TACC2: variants seen among roughly 807,000 people sequenced by gnomAD.
The protein encoded by TACC2 is transforming acidic coiled-coil-containing protein 2.
Under a neutral mutation model 227.3 loss-of-function variants are expected in TACC2, and 137 were observed. That is an observed-to-expected ratio of 0.60 (90% CI 0.52 to 0.69). The LOEUF (loss-of-function observed/expected upper bound fraction) is 0.69, where lower values mean the gene tolerates loss of function less well. TACC2 is among the 30% of genes least tolerant of loss of function. The pLI is 0.00. For missense variants in TACC2, 3,470 were observed against 3,694.4 expected (o/e 0.94, Z 1.57); for synonymous variants, 1,523 against 1,487.5 (o/e 1.02, Z -0.55).
chr10:122,025,151 A>G (rs148218017), intron 2 of TACC2, among the ~76,000 whole-genome samples: 46 of 152,330 alleles, frequency 3.0e-4, no homozygotes, highest in African/African-American at 8.9e-4. Flanking sequence ...CATTTTGATG[A>G]TGGATAAAGA....
chr10:122,155,836 T>A (rs1296408347), intron 7 of TACC2, among the ~76,000 whole-genome samples: 1 of 117,064 alleles, frequency 8.5e-6, no homozygotes, highest in East Asian at 3.5e-4. Flanking sequence ...TGGGAAAATT[T>A]TTTTTTTTTT....
intron 5 of TACC2, among the ~76,000 whole-genome samples, chr10:122,119,978 G>A (rs1565354225): frequency 6.6e-6 from 1 of 151,910 alleles, no homozygotes; most frequent in Non-Finnish European, 1.5e-5. Context: ...CCGGCTCCCT[G>A]CCTTGTCCTC....
intron 10 of TACC2, among the ~76,000 whole-genome samples, chr10:122,216,130 G>A (rs1362971045): frequency 6.6e-6 from 1 of 152,142 alleles, no homozygotes; most frequent in African/African-American, 2.4e-5. Flanking sequence ...CCTGGGGATA[G>A]GGGCTCAGGT....
intron 7 of TACC2, among the ~76,000 whole-genome samples, chr10:122,165,112 C>T (rs1045753295): frequency 2.6e-5 from 4 of 152,194 alleles, no homozygotes; most frequent in Non-Finnish European, 5.9e-5. Flanking sequence ...GTCTTCACCC[C>T]TGTAGCTTGA....
At position 122,210,053 on chromosome 10, in the gene TACC2, T is replaced by C; in HGVS notation, c.5972-344T>C. On this transcript the variant is annotated intron_variant, in intron 8 of 22. Coordinates refer to ENST00000369005, the MANE Select transcript of TACC2 (RefSeq NM_206862.4). The surrounding 1 kb of genome is among the most constrained non-coding windows in gnomAD (Gnocchi z 4.6). The stretch of plus-strand genomic sequence containing the variant: ...GACTTCCAGGAAGGGAAAGGTTTTG[T>C]CTATTTCTGTTCCTTGTTGAATCTC... The C allele has an allele frequency of 3.6e-6, 1 of 277,936 alleles. No individual in the cohort carries two copies. The highest frequency in any genetic ancestry group is 6.8e-6 in the Non-Finnish European group (1 of 146,574). The allele number at this position is 277,936 out of a possible 1,614,324, so 17.2% of individuals were successfully genotyped here. A position where few individuals can be genotyped will look rare whatever the true frequency, so the allele number is the denominator to read the frequency against.
chr10:122,090,015 A>G (rs1043751047), intron 5 of TACC2, among the ~76,000 whole-genome samples: 1 of 152,114 alleles, frequency 6.6e-6, no homozygotes, highest in Non-Finnish European at 1.5e-5. Context: ...GGCAGGAGAA[A>G]TATCTGTCTA....
intron 9 of TACC2, among the ~76,000 whole-genome samples, chr10:122,213,844 G>A (rs909683629): frequency 7.9e-5 from 12 of 152,314 alleles, no homozygotes; most frequent in African/African-American, 2.9e-4. Context: ...TATTTGGGCC[G>A]TTCCAAATTG....
In TACC2 at chr10:122,210,509, G is replaced by A. The variant is rs759721170; in HGVS notation, c.6084G>A (p.Lys2028=). 1.9e-6 allele frequency: 3 copies of A among 1,614,182 alleles called. No homozygotes were observed. The highest frequency in any genetic ancestry group is 1.7e-6 in the Non-Finnish European group (2 of 1,180,040). Residue 2028 remains lysine, a synonymous_variant, in exon 9 of 23, where the codon AAG becomes AAA. Coordinates refer to ENST00000369005, the MANE Select transcript of TACC2 (RefSeq NM_206862.4). This position sits in a 1 kb window ranked among gnomAD's most constrained non-coding sequence, Gnocchi z 4.6. ...HSFSAVFDED[K]PIASSGTYNL... ...TCTCTGCCGTCTTCGATGAAGACAA[G>A]CCGATAGCCAGCAGTGGGACTTACA...
chr10:122,178,944 A>G (rs1283295236), intron 7 of TACC2, among the ~76,000 whole-genome samples: 2 of 152,184 alleles, frequency 1.3e-5, no homozygotes, highest in Non-Finnish European at 2.9e-5. Flanking sequence ...TCCAAGTGAA[A>G]CCAGAAGCAT....
chr10:122,163,499 T>C (rs1300519526), intron 7 of TACC2: 5 of 930,282 alleles, frequency 5.4e-6, no homozygotes, highest in Non-Finnish European at 6.4e-6. Context: ...CAGCCCCGTT[T>C]CCGGAGCCCG....
rs1565243131 is a variant in TACC2 at position 122,083,782 on chromosome 10, G to T, written c.1282G>T (p.Ala428Ser). 5.0e-6 allele frequency: 8 copies of T among 1,614,188 alleles called. No homozygotes were observed. The highest frequency in any genetic ancestry group is 6.8e-6 in the Non-Finnish European group (8 of 1,180,038). Residue 428 changes from alanine (A) to serine (S), a missense_variant, in exon 4 of 23, where the codon GCT becomes TCT. By Grantham distance (99) the Ala-to-Ser change is moderately conservative (BLOSUM62 1). This residue lies in a region of TACC2 where 1,924 missense variants were observed against 1,978.3 expected (regional missense o/e 0.97). Transcript: ENST00000369005. ...TTCAAGCCTCGCTTCATTCCCAGCT[G>T]CTCAGATTCCTATTGCTGTAGAAGA... ...PASSLASFPA[A>S]QIPIAVEEPG...
chr10:122,130,507 C>T (rs1194534289), intron 5 of TACC2, among the ~76,000 whole-genome samples: 2 of 152,230 alleles, frequency 1.3e-5, no homozygotes, highest in East Asian at 3.9e-4. Flanking sequence ...GTCTTCAACT[C>T]CTGGCTTCAA....
intron 11 of TACC2, among the ~76,000 whole-genome samples, chr10:122,223,597 C>T (rs2095565051): frequency 1.3e-5 from 2 of 152,126 alleles, no homozygotes; most frequent in African/African-American, 4.8e-5. Context: ...AGATTGTCCA[C>T]GTGTTTAAGT....
At chr10:122,230,608 C>G (rs191948670) in intron 16 of TACC2, among the ~76,000 whole-genome samples, 168 bp downstream of exon 16, 1 of 152,328 alleles carries the variant, frequency 6.6e-6, no homozygotes, top group East Asian at 1.9e-4. Context: ...ACACTGAGCA[C>G]ATAGCTAAGA....
At chr10:122,058,034 C>T (rs573196754) in intron 3 of TACC2, among the ~76,000 whole-genome samples, 25 of 152,212 alleles carry the variant, frequency 1.6e-4, no homozygotes, top group Non-Finnish European at 2.9e-4. Context: ...CAACAACTGA[C>T]CAGCATTCCT....
intron 5 of TACC2, among the ~76,000 whole-genome samples, chr10:122,116,479 C>T (rs762962658): frequency 3.9e-5 from 6 of 152,218 alleles, no homozygotes; most frequent in Non-Finnish European, 8.8e-5. Flanking sequence ...CTACCCCTTA[C>T]CAGCTGTGTG....
intron 7 of TACC2, among the ~76,000 whole-genome samples, chr10:122,155,777 G>A (rs1198683882): frequency 2.0e-5 from 3 of 151,908 alleles, no homozygotes; most frequent in Admixed American, 2.0e-4. Context: ...TCTGAGAAAG[G>A]CCACTTAAAA....
chr10:122,126,134 C>T (rs554046331), intron 5 of TACC2, among the ~76,000 whole-genome samples: 1 of 152,236 alleles, frequency 6.6e-6, no homozygotes, highest in African/African-American at 2.4e-5. Context: ...GATGGCTCTT[C>T]CTTGAATTGA....
At chr10:122,013,022 A>G (rs1344010908) in intron 1 of TACC2, among the ~76,000 whole-genome samples, 1 of 152,210 alleles carries the variant, frequency 6.6e-6, no homozygotes, top group African/African-American at 2.4e-5. Context: ...TGGGGCTTGC[A>G]GAGTCCCCCA....
Sources: allele counts gnomAD v4.1 joint callset (sites outside exome capture counted in the v4.1 genomes callset), GRCh38; gene constraint gnomAD v4.1.1; regional missense constraint gnomAD v4.1.1; non-coding constraint Gnocchi (gnomAD v3.1); transcripts MANE v1.5; gene names NCBI Gene and HGNC (gene_info 2026-07-23, HGNC 2026-07-21).